DNAH7: variants seen among roughly 807,000 people sequenced by gnomAD.
DNAH7 encodes the protein dynein axonemal heavy chain 7.
In DNAH7, 397 loss-of-function variants were observed where a neutral mutation model predicts 444.6. That is an observed-to-expected ratio of 0.89 (90% CI 0.82 to 0.97). The LOEUF is 0.97. Ranked by LOEUF, DNAH7 falls within the 50% of genes least tolerant of loss-of-function variation. The probability of loss-of-function intolerance (pLI) is 0.00; values close to 1 mark genes in which losing one functional copy is unlikely to be tolerated. For synonymous variants in DNAH7, 1,636 were observed against 1,624.4 expected, an observed-to-expected ratio of 1.01 and a Z score of -0.17; for missense variants, 4,902 against 4,800.8, an observed-to-expected ratio of 1.02 and a Z score of -0.62.
intron 64 of DNAH7, among the ~76,000 whole-genome samples, chr2:195,738,724 T>A (rs907610613): frequency 6.6e-6 from 1 of 152,184 alleles, no homozygotes; most frequent in African/African-American, 2.4e-5. Context: ...TTGAGGCAGT[T>A]TGATCTTTGA....
intron 58 of DNAH7, 57 bp from the exon 59 acceptor site, chr2:195,778,042 TTTC>T (rs2105953153): frequency 3.6e-6 from 5 of 1,386,784 alleles, no homozygotes; most frequent in African/African-American, 1.5e-5. Flanking sequence ...CAGAATCGTG[TTTC>T]TTGTTTTTTC....
chr2:196,058,196 T>C, intron 1 of DNAH7, 80 bp from the exon 2 acceptor site: 1 of 1,128,472 alleles, frequency 8.9e-7, no homozygotes, highest in Non-Finnish European at 1.3e-6. Context: ...TTTTACAGTG[T>C]TTATTGTAAG....
chr2:195,918,629 T>C (rs920599725), intron 24 of DNAH7, among the ~76,000 whole-genome samples: 1 of 152,192 alleles, frequency 6.6e-6, no homozygotes, highest in Non-Finnish European at 1.5e-5. Flanking sequence ...TGGAGGAAAC[T>C]TAAATGCATA....
intron 5 of DNAH7, among the ~76,000 whole-genome samples, chr2:196,034,715 G>A (rs974559622): frequency 2.0e-5 from 3 of 152,120 alleles, no homozygotes; most frequent in African/African-American, 7.2e-5. Context: ...ATAGCCCCTC[G>A]TATATGGTGA....
At chr2:195,987,825 C>T in intron 13 of DNAH7, 132 bp downstream of exon 13, 1 of 908,732 alleles carries the variant, frequency 1.1e-6, no homozygotes, top group Non-Finnish European at 1.6e-6. Context: ...AGGGACACAT[C>T]AGAAGCTCAA....
chr2:195,975,640 T>C (rs1692140535), intron 15 of DNAH7, among the ~76,000 whole-genome samples: 1 of 152,098 alleles, frequency 6.6e-6, no homozygotes, highest in African/African-American at 2.4e-5. Context: ...CACAGCTCAC[T>C]GCTCCAAAGA....
At chr2:195,980,932 G>A (rs1421392140) in intron 15 of DNAH7, among the ~76,000 whole-genome samples, 2 of 152,004 alleles carry the variant, frequency 1.3e-5, no homozygotes, top group Admixed American at 6.6e-5. Flanking sequence ...TCTAAAATCT[G>A]GAACACAACA....
intron 61 of DNAH7, among the ~76,000 whole-genome samples, chr2:195,768,460 A>G (rs1174745231): frequency 6.6e-6 from 1 of 151,852 alleles, no homozygotes; most frequent in Non-Finnish European, 1.5e-5. Context: ...TATCATAACC[A>G]CTGGATAATA....
intron 6 of DNAH7, 127 bp downstream of exon 6, chr2:196,027,833 T>C: frequency 1.3e-6 from 1 of 762,210 alleles, no homozygotes. Context: ...TTTATAGAAC[T>C]CTGTATTTAT....
Position 195,868,018 on chromosome 2 carries a change from T to A in DNAH7, c.6634-2997A>T, listed in dbSNP as rs539229220. On this transcript the variant is annotated intron_variant, in intron 40 of 64. Transcript: ENST00000312428. ...TGACCTACCAAACTGTTTTCTATAT[T>A]ACATTACTGCCAGCTATGTATGAGG... Among the ~76,000 whole-genome samples, 68 of 152,116 alleles carry A rather than the reference T, an allele frequency of 4.5e-4. 1 individual carries two copies. The highest frequency in any genetic ancestry group is 1.6e-3 in the African/African-American group (66 of 41,502).
rs761829467 is a variant in DNAH7, at chr2:195,884,832, T to C, written c.5539-23A>G. On this transcript the variant is annotated intron_variant, in intron 34 of 64. Transcript: ENST00000312428. ...GCCCTGCATTGGACAGATGAGAAGA[T>C]TAAGAACAATTAAAGAATAATTTTA... The C allele has an allele frequency of 5.1e-6, 8 of 1,563,532 alleles. No individual in the cohort carries two copies. The South Asian group carries it at 6.8e-5, about 13-fold the overall frequency.
In DNAH7 at chr2:195,864,612, T is replaced by C. The variant is rs1700211124; in HGVS notation, c.7043A>G (p.Gln2348Arg). The C allele has an allele frequency of 1.2e-6, 2 of 1,614,178 alleles. No individual in the cohort carries two copies. Among genetic ancestry groups the C allele is most frequent in the Non-Finnish European group, 1.7e-6 (2 of 1,180,038 alleles). ...GTGGGCAGCTAATCTGGTGACAGAC[T>C]GCCTTCCACTCCCTCCAACCCCTAC... ...LLVGVGGSGR[Q>R]SVTRLAAHMA... The change falls in exon 41 of 65, where the codon CAG becomes CGG. Residue 2348 changes from glutamine to arginine, a missense_variant. Physicochemically the swap from Gln to Arg is conservative, Grantham distance 43. Transcript: ENST00000312428.
intron 10 of DNAH7, among the ~76,000 whole-genome samples, chr2:196,007,148 G>A (rs1374070616): frequency 6.6e-6 from 1 of 152,010 alleles, no homozygotes; most frequent in Non-Finnish European, 1.5e-5. Flanking sequence ...TTTCAACTCA[G>A]AAAAATAAGA....
chr2:195,841,090 C>A (rs1698654751), intron 47 of DNAH7, among the ~76,000 whole-genome samples: 7 of 151,818 alleles, frequency 4.6e-5, no homozygotes, highest in Admixed American at 4.6e-4. Flanking sequence ...GTAAATGGAA[C>A]AGAGAACTCA....
intron 24 of DNAH7, among the ~76,000 whole-genome samples, chr2:195,919,620 C>CAG (rs1178324065): frequency 6.6e-6 from 1 of 152,156 alleles, no homozygotes; most frequent in Non-Finnish European, 1.5e-5. Context: ...GCTGGGATCA[C>CAG]AGGCATGAGC....
At chr2:195,964,204 G>T (rs1691306939) in intron 17 of DNAH7, among the ~76,000 whole-genome samples, 1 of 152,094 alleles carries the variant, frequency 6.6e-6, no homozygotes, top group South Asian at 2.1e-4. Context: ...ATTTTGATAG[G>T]GATTACACTG....
chr2:195,780,801 T>C (rs1033412429), intron 58 of DNAH7, among the ~76,000 whole-genome samples: 22 of 151,970 alleles, frequency 1.4e-4, no homozygotes, highest in African/African-American at 5.3e-4. Flanking sequence ...TACTAAAATA[T>C]AGTAATCTCT....
chr2:196,029,626 A>G (rs1206755230), intron 5 of DNAH7, among the ~76,000 whole-genome samples: 2 of 152,190 alleles, frequency 1.3e-5, no homozygotes, highest in Non-Finnish European at 2.9e-5. Context: ...AGACAATGAC[A>G]TAATTATTCC....
intron 54 of DNAH7, among the ~76,000 whole-genome samples, chr2:195,802,300 C>A (rs1188579857): frequency 6.6e-6 from 1 of 152,172 alleles, no homozygotes; most frequent in East Asian, 1.9e-4. Flanking sequence ...CACCTGAGGG[C>A]AGGAGTTCAA....
Sources: allele counts gnomAD v4.1 joint callset (sites outside exome capture counted in the v4.1 genomes callset), GRCh38; gene constraint gnomAD v4.1.1; transcripts MANE v1.5; gene names NCBI Gene and HGNC (gene_info 2026-07-23, HGNC 2026-07-21).